The following NFKBIE variants were observed in gnomAD, a reference collection of about 807,000 sequenced individuals.
The protein encoded by NFKBIE is NFKB inhibitor epsilon, also known as NF-kappa-B inhibitor epsilon.
A neutral mutation model predicts 31.6 loss-of-function variants in NFKBIE; 11 were observed. The ratio of observed to expected loss-of-function variants is 0.35; its 90% CI spans 0.22 to 0.58. NFKBIE has a LOEUF of 0.58. Ranked by LOEUF, NFKBIE falls within the 20% of genes least tolerant of loss-of-function variation. The pLI, the probability that NFKBIE is intolerant of heterozygous loss-of-function variation, is 0.83. For missense variants in NFKBIE, 354 were observed against 465.7 expected (o/e 0.76, Z 2.21); for synonymous variants, 208 against 210.1 (o/e 0.99, Z 0.09).
intron 5 of NFKBIE, 120 bp from the exon 6 acceptor site, chr6:44,259,404 T>C (rs1781808784): frequency 5.4e-6 from 4 of 738,764 alleles, no homozygotes; most frequent in African/African-American, 1.7e-5. Flanking sequence ...TTGAAGACCA[T>C]CAGGGAACAA....
Position 44,259,037 on chromosome 6 carries a change from C to T in NFKBIE, c.*182G>A, listed in dbSNP as rs1465116427. On this transcript the variant is annotated 3_prime_UTR_variant, in exon 6 of 6. Coordinates refer to ENST00000619360, the MANE Select transcript of NFKBIE (RefSeq NM_004556.3). ...TGGAAAGCTCTTCCTTCCAGACTGG[C>T]TCTCTTCCACTTGCAGTCCCTCCTC... 5.3e-5 allele frequency: 29 copies of T among 542,200 alleles called. 2 individuals carry two copies. In the South Asian group the frequency reaches 5.8e-4, roughly 11 times the overall value. The allele number at this position is 542,200 out of a possible 1,614,324, so 33.6% of individuals were successfully genotyped here.
rs1271103672 is a variant in NFKBIE at position 44,264,968 on chromosome 6, G to C, written c.365+14C>G. On this transcript the variant is annotated intron_variant, in intron 1 of 5. Coordinates refer to ENST00000619360, the MANE Select transcript of NFKBIE (RefSeq NM_004556.3). ...AGAGTTAGCATCCCGATTCAGCCTA[G>C]CCCCCATACTCACGTGTCTCCGTCC... The C allele has an allele frequency of 7.1e-6, 11 of 1,555,874 alleles. No homozygotes were observed. Among genetic ancestry groups the C allele is most frequent in the Non-Finnish European group, 9.6e-6 (11 of 1,151,044 alleles).
chr6:44,264,504 C>T (rs527621169), intron 1 of NFKBIE, among the ~76,000 whole-genome samples: 2 of 152,308 alleles, frequency 1.3e-5, no homozygotes, highest in East Asian at 3.9e-4. Flanking sequence ...ACCCCATCCT[C>T]CTGAGGACCA....
At chr6:44,262,501 TG>T in intron 2 of NFKBIE, 58 bp downstream of exon 2, 1 of 1,455,728 alleles carries the variant, frequency 6.9e-7, no homozygotes, top group Non-Finnish European at 9.6e-7. Context: ...GTATGGCTGC[TG>T]GGAATGGCTG....
chr6:44,260,889 A>G lies in NFKBIE; in HGVS notation c.692-350T>C, dbSNP rs1021476336. On this transcript the variant is annotated intron_variant, in intron 3 of 5. Transcript: ENST00000619360. The surrounding 1 kb of genome is among the most constrained non-coding windows in gnomAD (Gnocchi z 5.5). Reference sequence around the variant, plus strand: ...CACACACACACACACACACACACACACAACCTGCCTTCAAGCCCAGTCTGA... The same window carrying G: ...CACACACACACACACACACACACACGCAACCTGCCTTCAAGCCCAGTCTGA... Among the ~76,000 whole-genome samples the G allele has an allele frequency of 2.1e-5, 3 of 140,898 alleles. No individual in the cohort carries two copies. Among genetic ancestry groups the G allele is most frequent in the African/African-American group, 5.8e-5 (2 of 34,280 alleles). The allele number at this position is 140,898 out of a possible 152,430, so 92.4% of individuals were successfully genotyped here.
In NFKBIE at chr6:44,260,451, C is replaced by G. The variant is rs752486601; in HGVS notation, c.780G>C (p.Gln260His). The change falls in exon 4 of 6, where the codon CAG becomes CAC. Residue 260 changes from glutamine (Q) to histidine (H), a missense_variant and splice_region_variant. Physicochemically the swap from Gln to His is conservative, Grantham distance 24. Around this residue, in one of 2 missense-constraint regions of NFKBIE, gnomAD observed 183 missense variants for 310.6 expected, o/e 0.59. Coordinates refer to ENST00000619360, the MANE Select transcript of NFKBIE (RefSeq NM_004556.3). The surrounding 1 kb of genome is among the most constrained non-coding windows in gnomAD (Gnocchi z 5.5). The part of the protein sequence containing the change: ...LLRNGADIDV[Q>H]EGTSGKTALH... Reference sequence around the variant, plus strand: ...GGCAGTGCTTTGCTGGCTGTCTCACCTGCACATCAATGTCAGCTCCATTCC... The same window carrying G: ...GGCAGTGCTTTGCTGGCTGTCTCACGTGCACATCAATGTCAGCTCCATTCC... The G allele has an allele frequency of 6.2e-7, 1 of 1,614,172 alleles. No homozygotes were observed. Among genetic ancestry groups the G allele is most frequent in the Non-Finnish European group, 8.5e-7 (1 of 1,180,020 alleles).
chr6:44,259,318 G>A (rs1356902700), intron 5 of NFKBIE, 34 bp from the exon 6 acceptor site: 1 of 1,556,654 alleles, frequency 6.4e-7, no homozygotes, highest in Non-Finnish European at 8.9e-7. Context: ...CAAGATCAGA[G>A]GACATGGGAA....
In NFKBIE at chr6:44,265,370, G is replaced by A. The variant is rs202095291; in HGVS notation, c.-24C>T. ...ATGCCCGCGGCTCTGGCCGGCCGGG[G>A]CCCGGTCTGAGCAGGATCCGGCTCC... On this transcript the variant is annotated 5_prime_UTR_variant, in exon 1 of 6. Transcript: ENST00000619360. The A allele has an allele frequency of 6.4e-6, 10 of 1,562,804 alleles. No homozygotes were observed. In the East Asian group the frequency reaches 2.4e-4, roughly 37 times the overall value.
Position 44,261,737 on chromosome 6 carries a change from C to A in NFKBIE, c.580G>T (p.Val194Leu). The change falls in exon 3 of 6, where the codon GTG becomes TTG. Residue 194 changes from valine to leucine, a missense_variant. Val to Leu is a conservative substitution (Grantham distance 32). This residue lies in a region of NFKBIE where 183 missense variants were observed against 310.6 expected (regional missense o/e 0.59). Transcript: ENST00000619360. This position sits in a 1 kb window ranked among gnomAD's most constrained non-coding sequence, Gnocchi z 4.3. The stretch of plus-strand genomic sequence containing the variant: ...GCCAAGTGCTGGCGCTGGCAGGCCA[C>A]ATGAAGGGCTGTGTCACCATGCCGG... ...QDRHGDTALH[V>L]ACQRQHLACA... 6.2e-7 allele frequency: 1 copy of A among 1,614,084 alleles called. No homozygotes were observed. The highest frequency in any genetic ancestry group is 8.5e-7 in the Non-Finnish European group (1 of 1,180,030).
rs1395337550 is a variant in NFKBIE, at chr6:44,260,763, C to A, written c.692-224G>T. ...GAGTCATGTTATTGAAACTTTCATG[C>A]TTCAGGGGTCAGGCTGCTGAGTGAC... On this transcript the variant is annotated intron_variant, in intron 3 of 5. Coordinates refer to ENST00000619360, the MANE Select transcript of NFKBIE (RefSeq NM_004556.3). This position sits in a 1 kb window ranked among gnomAD's most constrained non-coding sequence, Gnocchi z 5.5. Among the ~76,000 whole-genome samples, 1 of 151,582 alleles carries A rather than the reference C, an allele frequency of 6.6e-6. No homozygotes were observed. Among genetic ancestry groups the A allele is most frequent in the Non-Finnish European group, 1.5e-5 (1 of 67,918 alleles).
rs562915512 is a variant in NFKBIE at position 44,262,410 on chromosome 6, C to T, written c.468+150G>A. ...GATGCAAGCACCTCAGGACAGAGGC[C>T]ATGTCTTACTTGGGTCTGTCTCCTC... On this transcript the variant is annotated intron_variant, in intron 2 of 5. Coordinates refer to ENST00000619360, the MANE Select transcript of NFKBIE (RefSeq NM_004556.3). 9.3e-6 allele frequency: 6 copies of T among 645,582 alleles called. No individual in the cohort carries two copies. The East Asian group carries it at 1.4e-4, about 15-fold the overall frequency. 40.0% of individuals were successfully genotyped at this position (645,582 alleles called of 1,614,324 possible).
rs1300476578 is a variant in NFKBIE at position 44,262,590 on chromosome 6, C to T, written c.438G>A (p.Glu146=). ...AAAGGTTATTTTGAATGTCCAGGAC[C>T]TCCTGGGGCAGCAAAGCCAGGCAAC... is the stretch of plus-strand genomic sequence containing the variant. ...LLCCLALLPQ[E]VLDIQNNLYQ... The change falls in exon 2 of 6, where the codon GAG becomes GAA. Residue 146 remains glutamate, a synonymous_variant. Transcript: ENST00000619360. 3 of 1,614,004 alleles carry T rather than the reference C, an allele frequency of 1.9e-6. No homozygotes were observed. Among genetic ancestry groups the T allele is most frequent in the Non-Finnish European group, 2.5e-6 (3 of 1,179,988 alleles).
At chr6:44,264,735 T>C (rs1339349579) in intron 1 of NFKBIE, among the ~76,000 whole-genome samples, 2 of 152,118 alleles carry the variant, frequency 1.3e-5, no homozygotes. Flanking sequence ...GGTGGATTAT[T>C]GGTAGATTTC....
Position 44,259,098 on chromosome 6 carries a change from T to C in NFKBIE, c.*121A>G, listed in dbSNP as rs180953290. 4.1e-3 allele frequency: 4,182 copies of C among 1,023,814 alleles called. 17 individuals carry two copies. Among genetic ancestry groups the C allele is most frequent in the Non-Finnish European group, 5.6e-3 (3,698 of 665,894 alleles). 63.4% of individuals were successfully genotyped at this position (1,023,814 alleles called of 1,614,324 possible). ...GACTGTACTGGCTGGCCCCAGGCTC[T>C]GGCCACAGCAGTCCCTAGGGCACCA... On this transcript the variant is annotated 3_prime_UTR_variant, in exon 6 of 6. Transcript: ENST00000619360.
rs139333199 is a variant in NFKBIE, at chr6:44,262,972, C to T, written c.366-310G>A. ...ACTCCTCTTTGCCCTCAGGGCTCTGCCGAGCCAGCTGCAGCTCAAAGCCAA... is the reference window on the plus strand; with the variant it reads ...ACTCCTCTTTGCCCTCAGGGCTCTGTCGAGCCAGCTGCAGCTCAAAGCCAA... On this transcript the variant is annotated intron_variant, in intron 1 of 5. Coordinates refer to ENST00000619360, the MANE Select transcript of NFKBIE (RefSeq NM_004556.3). 9.6e-4 allele frequency among the ~76,000 whole-genome samples: 146 copies of T among 152,330 alleles called. 2 individuals carry two copies. The highest frequency in any genetic ancestry group is 3.4e-3 in the African/African-American group (142 of 41,568).
At position 44,265,223 on chromosome 6, in the gene NFKBIE, C is replaced by T; in HGVS notation, c.124G>A (p.Asp42Asn). ...TGGGTGCAGGGCTGGGGGCTGCCGT[C>T]CGAGGGCCCGGAGGCTGGAGCCGAG... ...STSAPASGPS[D>N]GSPQPCTHPP... The change falls in exon 1 of 6, where the codon GAC becomes AAC. Residue 42 changes from aspartate (D) to asparagine (N), a missense_variant. Coordinates refer to ENST00000619360, the MANE Select transcript of NFKBIE (RefSeq NM_004556.3). The T allele has an allele frequency of 6.4e-7, 1 of 1,552,246 alleles. No homozygotes were observed. Among genetic ancestry groups the T allele is most frequent in the Non-Finnish European group, 8.7e-7 (1 of 1,147,354 alleles).
Position 44,260,642 on chromosome 6 carries a change from C to G in NFKBIE, c.692-103G>C, listed in dbSNP as rs1383016592. The G allele has an allele frequency of 9.7e-7, 1 of 1,028,512 alleles. No homozygotes were observed. Among genetic ancestry groups the G allele is most frequent in the Non-Finnish European group, 1.5e-6 (1 of 658,922 alleles). The allele number at this position is 1,028,512 out of a possible 1,614,324, so 63.7% of individuals were successfully genotyped here. ...ACTCAGCCCCAAGGGACTCACAGCC[C>G]ACTCAATGTCTCTAATCACAAGACT... On this transcript the variant is annotated intron_variant, in intron 3 of 5. Transcript: ENST00000619360. This position sits in a 1 kb window ranked among gnomAD's most constrained non-coding sequence, Gnocchi z 5.5.
At position 44,265,165 on chromosome 6, in the gene NFKBIE, T is replaced by C. The variant is rs1258115986; in HGVS notation, c.182A>G (p.Lys61Arg). ...PPGPVKEPQEKEDADGERADS... is the reference protein window; with the variant it reads ...PPGPVKEPQEREDADGERADS... ...AGCCCGCTCCCCATCCGCGTCTTCC[T>C]TCTCCTGTGGTTCCTTGACGGGTCC... Residue 61 changes from lysine (K) to arginine (R), a missense_variant, in exon 1 of 6, where the codon AAG becomes AGG. Coordinates refer to ENST00000619360, the MANE Select transcript of NFKBIE (RefSeq NM_004556.3). 5 of 1,551,898 alleles carry C rather than the reference T, an allele frequency of 3.2e-6. No individual in the cohort carries two copies. The highest frequency in any genetic ancestry group is 4.4e-6 in the Non-Finnish European group (5 of 1,147,040).
At position 44,260,612 on chromosome 6, in the gene NFKBIE, C is replaced by A. The variant is rs938101627; in HGVS notation, c.692-73G>T. 9.8e-6 allele frequency: 14 copies of A among 1,434,124 alleles called. No individual in the cohort carries two copies. Among genetic ancestry groups the A allele is most frequent in the Non-Finnish European group, 1.3e-5 (13 of 1,019,002 alleles). 88.8% of individuals were successfully genotyped at this position (1,434,124 alleles called of 1,614,324 possible). A position where few individuals can be genotyped will look rare whatever the true frequency, so the allele number is the denominator to read the frequency against. ...CAACTCCCTCTCTTCTGGGACCTCC[C>A]TACCACTCAGCCCCAAGGGACTCAC... On this transcript the variant is annotated intron_variant, in intron 3 of 5. Transcript: ENST00000619360. This position sits in a 1 kb window ranked among gnomAD's most constrained non-coding sequence, Gnocchi z 5.5.
Sources: allele counts gnomAD v4.1 joint callset (sites outside exome capture counted in the v4.1 genomes callset), GRCh38; gene constraint gnomAD v4.1.1; regional missense constraint gnomAD v4.1.1; non-coding constraint Gnocchi (gnomAD v3.1); transcripts MANE v1.5; gene names NCBI Gene and HGNC (gene_info 2026-07-23, HGNC 2026-07-21).